The following EYS variants were observed in gnomAD, a reference collection of about 807,000 sequenced individuals.
EYS encodes the protein EGF-like photoreceptor maintenance factor, also known as protein eyes shut homolog.
EYS carries 250 observed loss-of-function variants against 282.1 expected under a neutral mutation model. That is an observed-to-expected ratio of 0.89 (90% CI 0.80 to 0.98). The LOEUF (loss-of-function observed/expected upper bound fraction) is 0.98, where lower values mean the gene tolerates loss of function less well. Among genes scored for constraint, EYS ranks in the 50% least tolerant of loss-of-function variants. EYS has a pLI of 0.00. For synonymous variants in EYS, 1,355 were observed against 1,282.9 expected (o/e 1.06, Z -1.20); for missense variants, 4,016 against 3,709.0 (o/e 1.08, Z -2.15).
intron 12 of EYS, among the ~76,000 whole-genome samples, chr6:65,178,179 C>A (rs541033530): frequency 1.3e-5 from 2 of 152,072 alleles, no homozygotes; most frequent in East Asian, 2.0e-4. Flanking sequence ...AGCATTCAGA[C>A]TAAGCAGCAT....
At chr6:65,056,376 A>G (rs1040310461) in intron 13 of EYS, among the ~76,000 whole-genome samples, 1 of 151,996 alleles carries the variant, frequency 6.6e-6, no homozygotes, top group Non-Finnish European at 1.5e-5. Context: ...AAAAACAGCT[A>G]TTTTTTAAAT....
At chr6:63,930,811 T>C (rs1356962630) in intron 35 of EYS, among the ~76,000 whole-genome samples, 1 of 152,168 alleles carries the variant, frequency 6.6e-6, no homozygotes. Context: ...TGAGGCCGTG[T>C]TTCCAAACCT....
chr6:65,135,495 T>G (rs1775997269), intron 12 of EYS, among the ~76,000 whole-genome samples: 6 of 152,070 alleles, frequency 3.9e-5, no homozygotes, highest in Admixed American at 3.9e-4. Context: ...CTTGACTATA[T>G]TTCAAGTTTA....
rs547710426 is a variant in EYS, at chr6:64,598,742, T to C, written c.3685-5433A>G. On this transcript the variant is annotated intron_variant, in intron 24 of 42. Transcript: ENST00000503581. The stretch of plus-strand genomic sequence containing the variant: ...GTTGGAAATGAGCTGGTCAACAAGA[T>C]AGGCAAAGTTTCTCCATTATATACT... Among the ~76,000 whole-genome samples, 3 of 152,284 alleles carry C rather than the reference T, an allele frequency of 2.0e-5. No homozygotes were observed. The South Asian group carries it at 6.2e-4, about 32-fold the overall frequency.
At chr6:64,037,452 G>A (rs772478191) in intron 33 of EYS, among the ~76,000 whole-genome samples, 5 of 152,162 alleles carry the variant, frequency 3.3e-5, no homozygotes, top group Admixed American at 1.3e-4. Context: ...ATCACAAAAT[G>A]TGCAATTCAT....
chr6:64,650,115 G>A (rs1768505321), intron 22 of EYS, among the ~76,000 whole-genome samples: 2 of 151,898 alleles, frequency 1.3e-5, no homozygotes, highest in South Asian at 4.1e-4. Flanking sequence ...GAGTTAAAGA[G>A]AAAATATAAA....
chr6:64,211,088 G>C (rs1026238919), intron 31 of EYS, among the ~76,000 whole-genome samples: 1 of 152,024 alleles, frequency 6.6e-6, no homozygotes, highest in Non-Finnish European at 1.5e-5. Context: ...AGTGTCTTGG[G>C]GTCGTGAATG....
chr6:65,065,239 C>A (rs1773709161), intron 12 of EYS, among the ~76,000 whole-genome samples: 1 of 152,090 alleles, frequency 6.6e-6, no homozygotes, highest in Non-Finnish European at 1.5e-5. Context: ...AAAATTTTCT[C>A]ACAACTGTGA....
At chr6:64,349,708 C>T (rs671676) in intron 29 of EYS, among the ~76,000 whole-genome samples, 101,732 of 151,194 alleles carry the variant, frequency 0.67, 34,312 homozygotes, top group South Asian at 0.71. Flanking sequence ...AAAGAAACTC[C>T]TCAAGAAAAC....
At chr6:63,816,081 A>T (rs1358729220) in intron 36 of EYS, among the ~76,000 whole-genome samples, 8 of 152,212 alleles carry the variant, frequency 5.3e-5, no homozygotes, top group African/African-American at 1.9e-4. Context: ...ACACCACATG[A>T]TGTTTCAAAA....
chr6:64,859,734 G>C (rs1016708113), intron 19 of EYS, among the ~76,000 whole-genome samples: 2 of 152,156 alleles, frequency 1.3e-5, no homozygotes, highest in African/African-American at 2.4e-5. Context: ...CTGTAAGTCT[G>C]TTAAAACTCT....
At chr6:64,311,461 A>G (rs1048450076) in intron 29 of EYS, among the ~76,000 whole-genome samples, 1 of 152,212 alleles carries the variant, frequency 6.6e-6, no homozygotes, top group African/African-American at 2.4e-5. Context: ...TCCAGGACAA[A>G]TAACTCCTGG....
intron 26 of EYS, among the ~76,000 whole-genome samples, chr6:64,540,355 A>AACAGAC (rs1257910438): frequency 4.6e-5 from 7 of 152,160 alleles, no homozygotes; most frequent in African/African-American, 1.4e-4. Context: ...AAACCATGGT[A>AACAGAC]ACAGACGCCT....
chr6:65,413,011 T>G (rs1224245587), intron 5 of EYS, among the ~76,000 whole-genome samples: 1 of 152,160 alleles, frequency 6.6e-6, no homozygotes, highest in Non-Finnish European at 1.5e-5. Context: ...GTGCCTTGGA[T>G]TTTTAATTTA....
At chr6:65,033,798 A>G (rs1438811879) in intron 13 of EYS, among the ~76,000 whole-genome samples, 1 of 152,176 alleles carries the variant, frequency 6.6e-6, no homozygotes, top group Non-Finnish European at 1.5e-5. Context: ...ACAGAGTCCC[A>G]AATTGGGCAT....
chr6:63,785,071 G>A (rs2149668552), intron 39 of EYS, among the ~76,000 whole-genome samples: 1 of 152,260 alleles, frequency 6.6e-6, no homozygotes, highest in South Asian at 2.1e-4. Context: ...TGCTGATATT[G>A]CTGACCCAGG....
chr6:64,802,102 T>C (rs995271611), intron 22 of EYS, among the ~76,000 whole-genome samples: 1 of 148,458 alleles, frequency 6.7e-6, no homozygotes, highest in Non-Finnish European at 1.5e-5. Flanking sequence ...AGCGCGATCT[T>C]GGCTCACTGC....
intron 12 of EYS, among the ~76,000 whole-genome samples, chr6:65,143,735 T>C (rs1402908593): frequency 6.6e-6 from 1 of 152,100 alleles, no homozygotes; most frequent in Non-Finnish European, 1.5e-5. Context: ...CTGCATCCTA[T>C]GGATTCATCT....
intron 26 of EYS, among the ~76,000 whole-genome samples, chr6:64,573,719 C>T (rs1765794996): frequency 6.6e-6 from 1 of 152,166 alleles, no homozygotes; most frequent in Non-Finnish European, 1.5e-5. Flanking sequence ...ATCAAAACCA[C>T]AATGAGATGC....
Sources: gnomAD v4.1 joint callset for allele counts (sites outside exome capture counted in the v4.1 genomes callset) on GRCh38, gnomAD v4.1.1 for gene constraint, MANE v1.5 for transcripts, NCBI Gene and HGNC (gene_info 2026-07-23, HGNC 2026-07-21) for gene names.